Variants in TMEM132D observed in about 807,000 individuals in gnomAD.
The protein encoded by TMEM132D is mature OL transmembrane protein.
In TMEM132D, 21 loss-of-function variants were observed where a neutral mutation model predicts 62.3. That is an observed-to-expected ratio of 0.34 (90% confidence interval 0.24 to 0.49). TMEM132D has a LOEUF of 0.49. TMEM132D is among the 20% of genes least tolerant of loss of function. The probability of loss-of-function intolerance (pLI) is 0.99; values close to 1 mark genes in which losing one functional copy is unlikely to be tolerated. For missense variants in TMEM132D, 1,346 were observed against 1,402.8 expected (o/e 0.96, Z 0.65); for synonymous variants, 621 against 575.6 (o/e 1.08, Z -1.13).
At chr12:129,297,483 C>T (rs1015107022) in intron 4 of TMEM132D, among the ~76,000 whole-genome samples, 5 of 152,168 alleles carry the variant, frequency 3.3e-5, no homozygotes, top group Non-Finnish European at 7.4e-5. Context: ...TGCAGAAGGG[C>T]AAGAACCAGG....
At chr12:129,899,622 GC>G (rs1875284978) in intron 1 of TMEM132D, among the ~76,000 whole-genome samples, 1 of 152,136 alleles carries the variant, frequency 6.6e-6, no homozygotes, top group African/African-American at 2.4e-5. Flanking sequence ...ATATTGTGTA[GC>G]ATAGCTTCTA....
intron 1 of TMEM132D, among the ~76,000 whole-genome samples, chr12:129,879,406 C>A (rs559149701): frequency 6.6e-6 from 1 of 152,204 alleles, no homozygotes; most frequent in Non-Finnish European, 1.5e-5. Context: ...CCTAACACAA[C>A]ATCAAAGTGG....
intron 5 of TMEM132D, among the ~76,000 whole-genome samples, chr12:129,188,762 GGAGAGAGAGAGA>G (rs569138938): frequency 0.05 from 6,336 of 126,264 alleles, 166 homozygotes; most frequent in Admixed American, 0.076. Context: ...AGGGAGAGAG[GGAGAGAGAGAGA>G]GAGAGAGAGA....
intron 5 of TMEM132D, among the ~76,000 whole-genome samples, chr12:129,122,897 G>A (rs1226720653): frequency 6.6e-6 from 1 of 152,160 alleles, no homozygotes; most frequent in Non-Finnish European, 1.5e-5. Flanking sequence ...AACTGGTTAT[G>A]GTGAATGATT....
At chr12:129,801,408 G>A (rs1593167339) in intron 1 of TMEM132D, among the ~76,000 whole-genome samples, 1 of 151,736 alleles carries the variant, frequency 6.6e-6, no homozygotes, top group African/African-American at 2.4e-5. Context: ...TAACTGGGAG[G>A]CACCCCCCAG....
At chr12:129,870,184 T>C (rs1457628715) in intron 1 of TMEM132D, among the ~76,000 whole-genome samples, 2 of 152,068 alleles carry the variant, frequency 1.3e-5, no homozygotes, top group Admixed American at 6.6e-5. Context: ...GGTTTTGCCA[T>C]AATGCCCAGG....
intron 1 of TMEM132D, among the ~76,000 whole-genome samples, chr12:129,755,848 G>C (rs1317302946): frequency 6.6e-6 from 1 of 152,154 alleles, no homozygotes; most frequent in African/African-American, 2.4e-5. Context: ...TATCGTCTTA[G>C]AGTCAAACTT....
chr12:129,311,057 G>T (rs1394504691), intron 4 of TMEM132D, among the ~76,000 whole-genome samples: 2 of 100,884 alleles, frequency 2.0e-5, no homozygotes, highest in Non-Finnish European at 3.7e-5. Context: ...AATTAGCCGG[G>T]CGTGGTAGCG....
chr12:129,375,223 C>T (rs1304113063), intron 3 of TMEM132D, among the ~76,000 whole-genome samples: 4 of 152,188 alleles, frequency 2.6e-5, no homozygotes, highest in African/African-American at 9.7e-5. Flanking sequence ...TTATGCTCAG[C>T]CTTATAATAA....
intron 1 of TMEM132D, among the ~76,000 whole-genome samples, chr12:129,721,375 G>A (rs1329796798): frequency 6.6e-6 from 1 of 152,050 alleles, no homozygotes; most frequent in African/African-American, 2.4e-5. Flanking sequence ...AAAAAGGGTG[G>A]GATGCCTTAA....
intron 2 of TMEM132D, among the ~76,000 whole-genome samples, chr12:129,649,293 C>T (rs757312350): frequency 3.9e-5 from 6 of 152,132 alleles, no homozygotes; most frequent in Admixed American, 1.3e-4. Flanking sequence ...TCACTTTCTC[C>T]TTGGTACCCA....
At chr12:129,390,708 G>T (rs574421539) in intron 3 of TMEM132D, among the ~76,000 whole-genome samples, 9 of 152,208 alleles carry the variant, frequency 5.9e-5, no homozygotes, top group African/African-American at 2.2e-4. Flanking sequence ...TCTTGCTGGT[G>T]ACTCTGGGAC....
chr12:129,171,337 A>AACTGCACTGACTT (rs1257087607), intron 5 of TMEM132D, among the ~76,000 whole-genome samples: 1 of 151,872 alleles, frequency 6.6e-6, no homozygotes, highest in Non-Finnish European at 1.5e-5. Context: ...TTTCCCCCAC[A>AACTGCACTGACTT]CCTGCACTGA....
intron 2 of TMEM132D, among the ~76,000 whole-genome samples, chr12:129,632,487 G>C (rs536937574): frequency 5.8e-4 from 88 of 152,182 alleles, no homozygotes; most frequent in Non-Finnish European, 1.0e-3. Context: ...TCGGAGTTCT[G>C]TCTTCAAGAC....
chr12:129,290,493 G>T (rs2135618790), intron 4 of TMEM132D, among the ~76,000 whole-genome samples: 1 of 152,278 alleles, frequency 6.6e-6, no homozygotes, highest in African/African-American at 2.4e-5. Flanking sequence ...AAGAATTATT[G>T]TTGATCAAAA....
chr12:129,862,802 C>T (rs35831266), intron 1 of TMEM132D, among the ~76,000 whole-genome samples: 19,653 of 151,254 alleles, frequency 0.13, 1,329 homozygotes, highest in Middle Eastern at 0.17. Flanking sequence ...AATAAAAACA[C>T]GACTGAAAGC....
intron 3 of TMEM132D, among the ~76,000 whole-genome samples, chr12:129,344,240 C>T (rs888337276): frequency 9.2e-5 from 14 of 152,134 alleles, no homozygotes; most frequent in South Asian, 8.3e-4. Flanking sequence ...GAACCCCTTT[C>T]CTGTAACATA....
At chr12:129,472,891 G>C in intron 3 of TMEM132D, among the ~76,000 whole-genome samples, 1 of 150,754 alleles carries the variant, frequency 6.6e-6, no homozygotes, top group East Asian at 1.9e-4. Flanking sequence ...TTTTTTTTGA[G>C]ACAGAGTTTC....
intron 3 of TMEM132D, among the ~76,000 whole-genome samples, chr12:129,387,423 G>A (rs550146454): frequency 1.2e-4 from 18 of 149,748 alleles, no homozygotes; most frequent in South Asian, 2.1e-4. Context: ...TAACACTAAC[G>A]CCAACACTAA....
Sources: gnomAD v4.1 joint callset for allele counts (sites outside exome capture counted in the v4.1 genomes callset) on GRCh38, gnomAD v4.1.1 for gene constraint, MANE v1.5 for transcripts, NCBI Gene and HGNC (gene_info 2026-07-23, HGNC 2026-07-21) for gene names.